FGF13: variants seen among roughly 807,000 people sequenced by gnomAD.
FGF13 encodes the protein fibroblast growth factor homologous factor 2.
FGF13 carries 2 observed loss-of-function variants against 19.5 expected under a neutral mutation model. That is an observed-to-expected ratio of 0.10 (90% CI 0.04 to 0.32). The LOEUF (loss-of-function observed/expected upper bound fraction) is 0.32, where lower values mean the gene tolerates loss of function less well. FGF13 is among the 10% of genes least tolerant of loss of function. The pLI, the probability that FGF13 is intolerant of heterozygous loss-of-function variation, is 1.00. For missense variants in FGF13, 113 were observed against 192.7 expected, an observed-to-expected ratio of 0.59 and a Z score of 2.45; for synonymous variants, 72 against 76.9, an observed-to-expected ratio of 0.94 and a Z score of 0.33.
intron 3 of FGF13, among the ~76,000 whole-genome samples, chrX:138,836,415 C>T (rs1292548770): frequency 9.0e-6 from 1 of 111,672 alleles, no homozygotes; most frequent in East Asian, 2.8e-4. Context: ...TTCTTGTCTG[C>T]CTGTCTTATT....
chrX:138,917,453 T>C (rs2091623291), intron 1 of FGF13, among the ~76,000 whole-genome samples: 1 of 111,976 alleles, frequency 8.9e-6, no homozygotes. Flanking sequence ...GACCTTGGAC[T>C]TTCAGCCTCC....
chrX:139,087,445 T>C (rs2083411913), intron 1 of FGF13, among the ~76,000 whole-genome samples: 1 of 112,377 alleles, frequency 8.9e-6, no homozygotes, highest in Admixed American at 9.4e-5. Flanking sequence ...TTTATTTTTC[T>C]GGGCCTCTTT....
At chrX:139,014,057 C>G (rs1333065774) in intron 1 of FGF13, among the ~76,000 whole-genome samples, 1 of 110,179 alleles carries the variant, frequency 9.1e-6, no homozygotes, top group Non-Finnish European at 1.9e-5. Flanking sequence ...TGTATTGAAA[C>G]AAATGGAAAT....
At chrX:139,177,282 T>G (rs1194122432) in intron 1 of FGF13, among the ~76,000 whole-genome samples, 1 of 93,380 alleles carries the variant, frequency 1.1e-5, no homozygotes, top group Non-Finnish European at 2.0e-5. Context: ...TGATAAATAT[T>G]CCTCCATCCC....
intron 3 of FGF13, among the ~76,000 whole-genome samples, chrX:138,820,390 C>T (rs1445352215): frequency 1.8e-5 from 2 of 111,923 alleles, no homozygotes; most frequent in Non-Finnish European, 3.8e-5. Context: ...AAGACAGTGT[C>T]CTCATCCTCT....
At chrX:138,858,755 T>TA (rs745908329) in intron 2 of FGF13, among the ~76,000 whole-genome samples, 5,877 of 106,556 alleles carry the variant, frequency 0.055, 145 homozygotes, top group Middle Eastern at 0.072. Context: ...GTGGTGTTTG[T>TA]AAAAAAAAAA....
At chrX:138,754,425 C>A (rs1481678373) in intron 3 of FGF13, among the ~76,000 whole-genome samples, 2 of 111,198 alleles carry the variant, frequency 1.8e-5, no homozygotes, top group Non-Finnish European at 3.8e-5. Flanking sequence ...TTGGGCATAC[C>A]AAACTACTTT....
At chrX:138,965,777 A>G (rs1038755498) in intron 1 of FGF13, among the ~76,000 whole-genome samples, 3 of 112,197 alleles carry the variant, frequency 2.7e-5, no homozygotes, top group Non-Finnish European at 1.9e-5. Flanking sequence ...GTGCGACTAC[A>G]CAGGCCAAAC....
At chrX:138,661,629 T>C (rs1443793117) in intron 3 of FGF13, among the ~76,000 whole-genome samples, 3 of 111,888 alleles carry the variant, frequency 2.7e-5, no homozygotes, top group African/African-American at 9.7e-5. Context: ...TAGTATTAGA[T>C]AGAAATTTAA....
At chrX:138,971,650 CATAT>C (rs746541750) in intron 1 of FGF13, among the ~76,000 whole-genome samples, 137 of 111,571 alleles carry the variant, frequency 1.2e-3, no homozygotes, top group African/African-American at 4.4e-3. Flanking sequence ...TTGATACATA[CATAT>C]ATATTGTGTA....
chrX:139,077,343 T>C (rs767452034), intron 1 of FGF13, among the ~76,000 whole-genome samples: 160 of 112,364 alleles, frequency 1.4e-3, no homozygotes, highest in African/African-American at 5.0e-3. Context: ...CAATTCTGTT[T>C]GGAGAAGCTT....
intron 1 of FGF13, among the ~76,000 whole-genome samples, chrX:138,890,746 C>T: frequency 8.9e-6 from 1 of 111,815 alleles, no homozygotes; most frequent in African/African-American, 3.3e-5. Context: ...CTAGCCTTTA[C>T]TAAGGTTCAG....
At chrX:139,063,392 G>C (rs758096768) in intron 1 of FGF13, among the ~76,000 whole-genome samples, 19 of 110,816 alleles carry the variant, frequency 1.7e-4, no homozygotes, top group African/African-American at 5.9e-4. Context: ...ATTTTTCTTT[G>C]CCTTATAATT....
At chrX:138,969,252 G>T (rs769202579) in intron 1 of FGF13, among the ~76,000 whole-genome samples, 2 of 111,836 alleles carry the variant, frequency 1.8e-5, no homozygotes, top group African/African-American at 3.3e-5. Flanking sequence ...TGGAGGTAAG[G>T]AATTCTGTTA....
At chrX:138,681,166 CAAAAAA>C (rs759043580) in intron 3 of FGF13, among the ~76,000 whole-genome samples, 1 of 40,870 alleles carries the variant, frequency 2.4e-5, no homozygotes, top group Non-Finnish European at 4.8e-5. Context: ...AGAGTGAGAC[CAAAAAA>C]AAAAAAAAAA....
intron 3 of FGF13, among the ~76,000 whole-genome samples, chrX:138,828,338 G>A (rs2091047714): frequency 9.0e-6 from 1 of 110,808 alleles, no homozygotes; most frequent in African/African-American, 3.3e-5. Flanking sequence ...GGAGGCCGAG[G>A]CGGGCGGATC....
At chrX:138,926,910 C>T (rs2091676876) in intron 1 of FGF13, among the ~76,000 whole-genome samples, 1 of 111,483 alleles carries the variant, frequency 9.0e-6, no homozygotes, top group Non-Finnish European at 1.9e-5. Context: ...GAGCTGAGAT[C>T]ACGCCACTGC....
chrX:138,721,461 C>A (rs1247540165), intron 1 of FGF13, among the ~76,000 whole-genome samples: 1 of 111,521 alleles, frequency 9.0e-6, no homozygotes, highest in African/African-American at 3.3e-5. Context: ...TGCTTCAATT[C>A]TGGAAATTTA....
chrX:138,855,994 T>TGTGTGTGTGTGTGTGTG (rs1569412173), downstream of FGF13, among the ~76,000 whole-genome samples: 1 of 100,798 alleles, frequency 9.9e-6, no homozygotes, highest in African/African-American at 4.0e-5. Context: ...GTGTGTGTGT[T>TGTGTGTGTGTGTGTGTG]TATAATTTTT....
Sources: allele counts gnomAD v4.1 joint callset (sites outside exome capture counted in the v4.1 genomes callset), GRCh38; gene constraint gnomAD v4.1.1; transcripts MANE v1.5; gene names NCBI Gene and HGNC (gene_info 2026-07-23, HGNC 2026-07-21).